Variants in COL26A1 observed in about 807,000 individuals in gnomAD.
The protein encoded by COL26A1 is collagen alpha-1(XXVI) chain.
Under a neutral mutation model 59.3 loss-of-function variants are expected in COL26A1, and 41 were observed. The ratio of observed to expected loss-of-function variants is 0.69; its 90% CI spans 0.54 to 0.90. COL26A1 has a LOEUF of 0.90. Among genes scored for constraint, COL26A1 ranks in the 40% least tolerant of loss-of-function variants. The probability of loss-of-function intolerance (pLI) is 0.00; values close to 1 mark genes in which losing one functional copy is unlikely to be tolerated. For synonymous variants in COL26A1, 266 were observed against 256.0 expected, an observed-to-expected ratio of 1.04 and a Z score of -0.37; for missense variants, 612 against 602.3, an observed-to-expected ratio of 1.02 and a Z score of -0.17.
At chr7:101,392,168 G>T (rs1791746005) in intron 1 of COL26A1, among the ~76,000 whole-genome samples, 1 of 152,100 alleles carries the variant, frequency 6.6e-6, no homozygotes, top group Admixed American at 6.6e-5. Flanking sequence ...CACTGCAGAG[G>T]TGTGACGGGG....
At chr7:101,496,833 C>T (rs919692903) in intron 3 of COL26A1, among the ~76,000 whole-genome samples, 3 of 150,928 alleles carry the variant, frequency 2.0e-5, no homozygotes, top group Non-Finnish European at 4.4e-5. Flanking sequence ...TTGCAGTGAG[C>T]CGAGATAGTG....
At chr7:101,555,973 C>T (rs1476112633) in intron 12 of COL26A1, 102 bp downstream of exon 12, 1 of 1,021,158 alleles carries the variant, frequency 9.8e-7, no homozygotes, top group Non-Finnish European at 1.5e-6. Flanking sequence ...GTCTCCCTCC[C>T]TTGCCCCTAG....
At chr7:101,458,948 C>T (rs4727496) in intron 3 of COL26A1, among the ~76,000 whole-genome samples, 25,668 of 151,722 alleles carry the variant, frequency 0.17, 3,064 homozygotes, top group East Asian at 0.33. Context: ...ACTACAGATG[C>T]GTGCCACCAT....
chr7:101,537,392 C>T (rs550335250), intron 4 of COL26A1, among the ~76,000 whole-genome samples: 4 of 152,224 alleles, frequency 2.6e-5, no homozygotes, highest in African/African-American at 4.8e-5. Flanking sequence ...GGCAGTGTCC[C>T]GGCTAGTCTG....
intron 3 of COL26A1, among the ~76,000 whole-genome samples, chr7:101,530,269 T>C (rs1370213359): frequency 6.6e-6 from 1 of 151,806 alleles, no homozygotes; most frequent in Non-Finnish European, 1.5e-5. Context: ...GTTGTGTAAG[T>C]TTAAGAGGAA....
At chr7:101,381,144 C>A (rs1275756454) in intron 1 of COL26A1, among the ~76,000 whole-genome samples, 1 of 152,234 alleles carries the variant, frequency 6.6e-6, no homozygotes, top group Non-Finnish European at 1.5e-5. Flanking sequence ...ATAGCTCTCA[C>A]TGGGCTAAAA....
intron 1 of COL26A1, among the ~76,000 whole-genome samples, chr7:101,364,079 C>G (rs994001227): frequency 2.8e-4 from 42 of 152,256 alleles, no homozygotes; most frequent in African/African-American, 9.6e-4. Context: ...GGCGCCGGGA[C>G]CCGCCAGGCG....
At chr7:101,385,269 ATGTG>A (rs1791541577) in intron 1 of COL26A1, among the ~76,000 whole-genome samples, 1 of 150,112 alleles carries the variant, frequency 6.7e-6, no homozygotes, top group Admixed American at 6.7e-5. Flanking sequence ...ACACATATAT[ATGTG>A]TATATATATA....
intron 12 of COL26A1, 124 bp from the exon 13 acceptor site, chr7:101,557,246 T>C (rs1015488419): frequency 8.6e-6 from 8 of 926,928 alleles, no homozygotes; most frequent in Admixed American, 2.8e-5. Context: ...GCTGAAAGCC[T>C]GCTGCTGCCT....
At chr7:101,557,343 G>A (rs373479960) in intron 12 of COL26A1, 27 bp from the exon 13 acceptor site, 64 of 1,597,610 alleles carry the variant, frequency 4.0e-5, no homozygotes, top group African/African-American at 3.5e-4. Context: ...GCTCTACCTC[G>A]AGTCCACCCT....
chr7:101,472,361 A>G (rs1220421519), intron 3 of COL26A1, among the ~76,000 whole-genome samples: 1 of 152,210 alleles, frequency 6.6e-6, no homozygotes. Context: ...TCAGGGCATC[A>G]GGACATCTCT....
intron 4 of COL26A1, among the ~76,000 whole-genome samples, chr7:101,536,750 C>T (rs1161101787): frequency 2.0e-5 from 3 of 152,234 alleles, no homozygotes; most frequent in Non-Finnish European, 4.4e-5. Flanking sequence ...GTTTATTCCA[C>T]AAGAAGTCCA....
chr7:101,540,042 C>T lies in COL26A1; in HGVS notation c.597C>T (p.Gly199=), dbSNP rs766323064. Residue 199 remains glycine, a synonymous_variant, in exon 5 of 13, where the codon GGC becomes GGT. Coordinates refer to ENST00000313669, the MANE Select transcript of COL26A1 (RefSeq NM_001278563.3). ...TGCCACGACAGAGAAGGCCCACGGG[C>T]CCAGCCGGTGAGTGAGGGCTGCAGA... ...HPVPRQRRPT[G]PAGPPGQTGP... 1.2e-6 allele frequency: 2 copies of T among 1,612,052 alleles called. No homozygotes were observed. Among genetic ancestry groups the T allele is most frequent in the Admixed American group, 3.3e-5 (2 of 59,780 alleles).
In COL26A1 at chr7:101,545,326, T is replaced by C. The variant is rs1459716510; in HGVS notation, c.704-12T>C. On this transcript the variant is annotated splice_polypyrimidine_tract_variant and intron_variant, in intron 6 of 12. Transcript: ENST00000313669. ...CCGGCTGCCACAGTGACTGTTCTTT[T>C]CCTCATTGCAGGGCTCCTGGGGCCT... 1.9e-6 allele frequency: 3 copies of C among 1,553,028 alleles called. No homozygotes were observed. The highest frequency in any genetic ancestry group is 2.6e-6 in the Non-Finnish European group (3 of 1,157,894).
chr7:101,406,522 T>G (rs1792132965), intron 1 of COL26A1, among the ~76,000 whole-genome samples: 1 of 152,166 alleles, frequency 6.6e-6, no homozygotes, highest in East Asian at 1.9e-4. Flanking sequence ...AGGGGGCTGT[T>G]GGGGGGCTAT....
intron 2 of COL26A1, among the ~76,000 whole-genome samples, chr7:101,426,202 G>C (rs745713615): frequency 1.3e-5 from 2 of 152,136 alleles, no homozygotes; most frequent in Non-Finnish European, 2.9e-5. Flanking sequence ...AGAATTCCCT[G>C]AGCGAGCAGA....
intron 6 of COL26A1, among the ~76,000 whole-genome samples, chr7:101,544,424 A>G (rs1306698085): frequency 1.3e-5 from 2 of 150,906 alleles, no homozygotes; most frequent in East Asian, 2.0e-4. Context: ...ACAGGATTTC[A>G]CCATGTTGGT....
intron 3 of COL26A1, among the ~76,000 whole-genome samples, chr7:101,489,728 TCTCTCTTTCTC>T (rs1584455752): frequency 2.9e-5 from 3 of 104,678 alleles, no homozygotes; most frequent in South Asian, 3.0e-4. Flanking sequence ...TTTCTTTCTC[TCTCTCTTTCTC>T]TCTTTCTTTC....
intron 1 of COL26A1, among the ~76,000 whole-genome samples, chr7:101,387,778 A>T (rs200875630): frequency 0.88 from 74,607 of 84,914 alleles, 33,180 homozygotes; most frequent in South Asian, 0.97. Flanking sequence ...ATATATATAT[A>T]TTTTTTTTTA....
Sources: gnomAD v4.1 joint callset for allele counts (sites outside exome capture counted in the v4.1 genomes callset) on GRCh38, gnomAD v4.1.1 for gene constraint, MANE v1.5 for transcripts, NCBI Gene and HGNC (gene_info 2026-07-23, HGNC 2026-07-21) for gene names.